Variants in QKI observed in about 807,000 individuals in gnomAD.
QKI encodes the protein QKI, KH domain containing RNA binding, also known as KH domain-containing RNA-binding protein QKI.
In QKI, 10 loss-of-function variants were observed where a neutral mutation model predicts 39.0. That is an observed-to-expected ratio of 0.26 (90% confidence interval 0.16 to 0.43). The LOEUF (loss-of-function observed/expected upper bound fraction) is 0.43. Among genes scored for constraint, QKI ranks in the 20% least tolerant of loss-of-function variants. QKI has a pLI of 1.00. For synonymous variants in QKI, 204 were observed against 155.4 expected (o/e 1.31, Z -2.33); for missense variants, 218 against 428.0 (o/e 0.51, Z 4.33).
At chr6:163,471,864 T>G (rs1792215684) in intron 2 of QKI, among the ~76,000 whole-genome samples, 2 of 152,110 alleles carry the variant, frequency 1.3e-5, no homozygotes, top group Non-Finnish European at 2.9e-5. Context: ...GAGTCCTGTT[T>G]AAAATAAGGA....
At chr6:163,455,697 C>T (rs1196491845) in intron 2 of QKI, among the ~76,000 whole-genome samples, 3 of 152,178 alleles carry the variant, frequency 2.0e-5, no homozygotes, top group Non-Finnish European at 2.9e-5. Context: ...GCCTGACTGA[C>T]ACAGAGCACC....
chr6:163,467,377 CT>C, intron 2 of QKI, among the ~76,000 whole-genome samples: 1 of 152,330 alleles, frequency 6.6e-6, no homozygotes, highest in East Asian at 1.9e-4. Flanking sequence ...ATGTTTAGAA[CT>C]TTCTCATATA....
intron 1 of QKI, among the ~76,000 whole-genome samples, chr6:163,438,921 A>C (rs1192337420): frequency 6.6e-6 from 1 of 152,248 alleles, no homozygotes; most frequent in Non-Finnish European, 1.5e-5. Flanking sequence ...TACAGTTTAA[A>C]ATACAAATAC....
At chr6:163,432,435 C>T (rs1788907428) in intron 1 of QKI, among the ~76,000 whole-genome samples, 1 of 149,158 alleles carries the variant, frequency 6.7e-6, no homozygotes, top group African/African-American at 2.5e-5. Flanking sequence ...TTCACCCTGT[C>T]TAGGCTAGAG....
chr6:163,566,860 C>T lies in QKI; in HGVS notation c.1009+65C>T, dbSNP rs1043994554. 4 of 1,578,468 alleles carry T rather than the reference C, an allele frequency of 2.5e-6. No individual in the cohort carries two copies. The South Asian group carries it at 4.6e-5, about 18-fold the overall frequency. The stretch of plus-strand genomic sequence containing the variant: ...TTGGGTGTCCATAAAATTTGCAACA[C>T]CACACCTGATGGAAAAATGTAATTG... On this transcript the variant is annotated intron_variant, in intron 7 of 7. Transcript: ENST00000361752.
chr6:163,529,196 C>T (rs1264050802), intron 3 of QKI, among the ~76,000 whole-genome samples: 2 of 151,936 alleles, frequency 1.3e-5, no homozygotes, highest in Admixed American at 6.6e-5. Context: ...AGAAAGAAGC[C>T]GTCCCAGAAA....
chr6:163,439,646 G>A (rs973231811), intron 1 of QKI, among the ~76,000 whole-genome samples: 8 of 142,910 alleles, frequency 5.6e-5, no homozygotes, highest in Non-Finnish European at 7.5e-5. Flanking sequence ...GAGCCACCGC[G>A]TCCTGAATCC....
At chr6:163,510,591 A>G (rs915818255) in intron 3 of QKI, among the ~76,000 whole-genome samples, 4 of 152,128 alleles carry the variant, frequency 2.6e-5, no homozygotes, top group African/African-American at 9.7e-5. Flanking sequence ...ACAGAGAAAT[A>G]CTAGACACAG....
Position 163,578,564 on chromosome 6 carries a change from C to T in QKI, c.*7854C>T, listed in dbSNP as rs1380459666. On this transcript the variant is annotated 3_prime_UTR_variant, in exon 8 of 8. Coordinates refer to ENST00000361752, the MANE Select transcript of QKI (RefSeq NM_006775.3). ...TCATTGCTTTCTCACTGAGGTAAAA[C>T]AGCATTAAAAAGTTGTCCAGAATTT... 3 of 152,250 alleles carry T rather than the reference C, an allele frequency of 2.0e-5. No individual in the cohort carries two copies. The East Asian group carries it at 5.8e-4, about 29-fold the overall frequency. 9.4% of individuals were successfully genotyped at this position (152,250 alleles called of 1,614,324 possible). A position where few individuals can be genotyped will look rare whatever the true frequency, so the allele number is the denominator to read the frequency against.
intron 4 of QKI, among the ~76,000 whole-genome samples, chr6:163,541,408 A>C (rs1781507610): frequency 6.6e-6 from 1 of 151,930 alleles, no homozygotes; most frequent in African/African-American, 2.4e-5. Context: ...CACTTAAAAG[A>C]ATGTGAATTC....
At chr6:163,418,473 T>TTTTTG (rs1013631532) in intron 1 of QKI, among the ~76,000 whole-genome samples, 10 of 152,212 alleles carry the variant, frequency 6.6e-5, no homozygotes, top group Non-Finnish European at 1.2e-4. Flanking sequence ...TTACTGCTTG[T>TTTTTG]TTTTGTTTTG....
intron 1 of QKI, among the ~76,000 whole-genome samples, chr6:163,451,454 C>G (rs967981550): frequency 3.2e-4 from 48 of 152,108 alleles, no homozygotes; most frequent in African/African-American, 1.1e-3. Context: ...GAAGAGGACA[C>G]TTAGATATTT....
At chr6:163,454,384 A>G (rs1346848178) in intron 1 of QKI, among the ~76,000 whole-genome samples, 2 of 152,154 alleles carry the variant, frequency 1.3e-5, no homozygotes, top group Non-Finnish European at 2.9e-5. Context: ...AGGTATTGCT[A>G]CTTCCTTTTT....
rs141939434 is a variant in QKI, at chr6:163,416,878, T to A, written c.142+1543T>A. Among the ~76,000 whole-genome samples, 492 of 151,004 alleles carry A rather than the reference T, an allele frequency of 3.3e-3. 6 individuals carry two copies. Among genetic ancestry groups the A allele is most frequent in the Admixed American group, 0.025 (381 of 15,178 alleles). ...CTGCTTTTCCTATTTGTGTTGGCAT[T>A]TGAAAGATTGTGGAGGCAGAAAACT... On this transcript the variant is annotated intron_variant, in intron 1 of 7. Transcript: ENST00000361752.
intron 3 of QKI, among the ~76,000 whole-genome samples, chr6:163,489,728 C>A (rs953418504): frequency 6.6e-6 from 1 of 152,088 alleles, no homozygotes; most frequent in Non-Finnish European, 1.5e-5. Context: ...TAGGGTTCCT[C>A]ATCTGAACCA....
rs796753374 is a variant in QKI at position 163,497,338 on chromosome 6, A to AT, written c.402+18444dup. Among the ~76,000 whole-genome samples the AT allele has an allele frequency of 2.5e-4, 38 of 152,226 alleles. 1 individual carries two copies. The highest frequency in any genetic ancestry group is 8.7e-4 in the African/African-American group (36 of 41,570). ...AGATTGGAAATTTCGCTCTTTATCA[A>AT]TTATTTTGCTGTTTAAAACAATTTT... On this transcript the variant is annotated intron_variant, in intron 3 of 7. Coordinates refer to ENST00000361752, the MANE Select transcript of QKI (RefSeq NM_006775.3).
chr6:163,442,340 A>C (rs543580842), intron 1 of QKI, among the ~76,000 whole-genome samples: 1 of 152,328 alleles, frequency 6.6e-6, no homozygotes, highest in South Asian at 2.1e-4. Flanking sequence ...CTAGCGTGGT[A>C]AGTTTTATTA....
At chr6:163,464,290 T>A (rs1249603498) in intron 2 of QKI, among the ~76,000 whole-genome samples, 1 of 151,992 alleles carries the variant, frequency 6.6e-6, no homozygotes, top group Non-Finnish European at 1.5e-5. Flanking sequence ...TTTTTTTTTT[T>A]AATGGGTGGG....
intron 2 of QKI, among the ~76,000 whole-genome samples, chr6:163,477,451 A>C (rs1792711657): frequency 6.6e-6 from 1 of 152,226 alleles, no homozygotes; most frequent in African/African-American, 2.4e-5. Context: ...AGGAAGGTTA[A>C]GTTGATGAGT....
Sources: allele counts gnomAD v4.1 joint callset (sites outside exome capture counted in the v4.1 genomes callset), GRCh38; gene constraint gnomAD v4.1.1; transcripts MANE v1.5; gene names NCBI Gene and HGNC (gene_info 2026-07-23, HGNC 2026-07-21).